The following OTOF variants were observed in gnomAD, a reference collection of about 807,000 sequenced individuals.
OTOF encodes otoferlin.
In OTOF, 218 loss-of-function variants were observed where a neutral mutation model predicts 236.8. That is an observed-to-expected ratio of 0.92 (90% CI 0.82 to 1.03). The LOEUF is 1.03. Among genes scored for constraint, OTOF ranks in the 50% least tolerant of loss-of-function variants. OTOF has a pLI of 0.00. For missense variants in OTOF, 2,590 were observed against 2,694.4 expected (o/e 0.96, Z 0.86); for synonymous variants, 1,041 against 1,072.5 (o/e 0.97, Z 0.57).
intron 46 of OTOF, among the ~76,000 whole-genome samples, chr2:26,458,929 G>T (rs1664319544): frequency 6.6e-6 from 1 of 152,236 alleles, no homozygotes; most frequent in South Asian, 2.1e-4. Flanking sequence ...GTTTTGAATG[G>T]TTTTCACAGG....
At chr2:26,534,932 C>A (rs1056101929) in intron 2 of OTOF, among the ~76,000 whole-genome samples, 1 of 152,224 alleles carries the variant, frequency 6.6e-6, no homozygotes, top group African/African-American at 2.4e-5. Context: ...CAGGCAGATT[C>A]TTTCAGGGGG....
intron 36 of OTOF, chr2:26,466,368 G>A (rs1664727108): frequency 7.8e-6 from 4 of 513,130 alleles, no homozygotes; most frequent in Admixed American, 3.2e-5. Flanking sequence ...ACAGAGTCTC[G>A]CTCTGTCTCC....
Position 26,484,566 on chromosome 2 carries a change from G to A in OTOF, c.1113C>T (p.Gly371=). 6.2e-7 allele frequency: 1 copy of A among 1,613,950 alleles called. No homozygotes were observed. Among genetic ancestry groups the A allele is most frequent in the Non-Finnish European group, 8.5e-7 (1 of 1,179,996 alleles). Residue 371 remains glycine, a synonymous_variant, in exon 12 of 47, where the codon GGC becomes GGT. Coordinates refer to ENST00000272371, the MANE Select transcript of OTOF (RefSeq NM_194248.3). ...DPDDISSGLK[G]YVKCDVAVVG... is the part of the protein sequence containing the mutation. ...CCACGGCAACGTCACACTTCACGTA[G>A]CCCTTCAGCCCCGAGGAGATGTCAT... is the stretch of plus-strand genomic sequence containing the variant.
intron 5 of OTOF, among the ~76,000 whole-genome samples, chr2:26,504,361 G>C (rs1260289154): frequency 6.6e-6 from 1 of 152,184 alleles, no homozygotes; most frequent in East Asian, 1.9e-4. Flanking sequence ...GGGAGATGTG[G>C]TTGAAACGAG....
At chr2:26,521,918 G>T (rs72856048) in intron 3 of OTOF, among the ~76,000 whole-genome samples, 3,664 of 152,298 alleles carry the variant, frequency 0.024, 162 homozygotes, top group African/African-American at 0.083. Context: ...TACCAACACC[G>T]GCACTCGGAT....
intron 9 of OTOF, among the ~76,000 whole-genome samples, chr2:26,490,433 T>G (rs1195199383): frequency 6.6e-6 from 1 of 152,222 alleles, no homozygotes; most frequent in African/African-American, 2.4e-5. Context: ...CCTTTGGTGC[T>G]GTGGGCTGCC....
At chr2:26,475,020 G>A (rs1665183273) in intron 25 of OTOF, among the ~76,000 whole-genome samples, 1 of 152,164 alleles carries the variant, frequency 6.6e-6, no homozygotes, top group Non-Finnish European at 1.5e-5. Flanking sequence ...CACGGAGGAT[G>A]GCAAGGCTGT....
At chr2:26,530,601 C>T (rs1029208719) in intron 2 of OTOF, among the ~76,000 whole-genome samples, 3 of 152,184 alleles carry the variant, frequency 2.0e-5, no homozygotes, top group African/African-American at 7.2e-5. Flanking sequence ...CTGTCTCCCT[C>T]CCGCATTTTC....
chr2:26,491,488 A>G (rs1665839342), intron 9 of OTOF, among the ~76,000 whole-genome samples: 1 of 152,186 alleles, frequency 6.6e-6, no homozygotes, highest in African/African-American at 2.4e-5. Context: ...TGTACTTAGC[A>G]TATGCTGGAG....
In OTOF at chr2:26,477,218, C is replaced by A; in HGVS notation, c.2477G>T (p.Arg826Met). Residue 826 changes from arginine to methionine, a missense_variant, in exon 21 of 47, where the codon AGG becomes ATG. By Grantham distance (91) the Arg-to-Met change is moderately conservative. Transcript: ENST00000272371. This position sits in a 1 kb window ranked among gnomAD's most constrained non-coding sequence, Gnocchi z 4.7. Reference protein sequence around the residue: ...VKRHTVRDKLRLCQNFLQKLR... With the variant: ...VKRHTVRDKLMLCQNFLQKLR... The stretch of plus-strand genomic sequence containing the variant: ...CTTCTGCAGGAAGTTCTGGCACAGC[C>A]TCAGCTTGTCCCGCACCGTGTGCCG... The A allele has an allele frequency of 6.2e-7, 1 of 1,610,698 alleles. No individual in the cohort carries two copies. The highest frequency in any genetic ancestry group is 8.5e-7 in the Non-Finnish European group (1 of 1,179,568).
chr2:26,475,786 C>A, intron 24 of OTOF, 128 bp downstream of exon 24: 2 of 1,244,038 alleles, frequency 1.6e-6, no homozygotes, highest in African/African-American at 1.5e-5. Context: ...CCTGAGAAAC[C>A]GGGGCACTGG....
chr2:26,491,196 G>C (rs770222914), intron 9 of OTOF, among the ~76,000 whole-genome samples: 17 of 152,148 alleles, frequency 1.1e-4, no homozygotes, highest in Non-Finnish European at 2.4e-4. Context: ...AAAGAAACTG[G>C]GTGATCAAGG....
intron 5 of OTOF, among the ~76,000 whole-genome samples, chr2:26,509,347 T>C (rs1377143032): frequency 6.6e-6 from 1 of 152,214 alleles, no homozygotes. Flanking sequence ...CCTTGACACA[T>C]GCTCTGCCTA....
chr2:26,515,062 G>A (rs542738936), intron 5 of OTOF, among the ~76,000 whole-genome samples: 12 of 152,354 alleles, frequency 7.9e-5, no homozygotes, highest in African/African-American at 2.6e-4. Context: ...CTGGACATGG[G>A]CAGCGCTCAG....
intron 3 of OTOF, among the ~76,000 whole-genome samples, chr2:26,524,865 G>A (rs572193240): frequency 6.6e-6 from 1 of 152,324 alleles, no homozygotes; most frequent in South Asian, 2.1e-4. Flanking sequence ...GCACAGCTAG[G>A]GCTGTAGTGG....
chr2:26,475,696 T>A (rs1390748722), intron 24 of OTOF, among the ~76,000 whole-genome samples: 2 of 152,184 alleles, frequency 1.3e-5, no homozygotes, highest in Non-Finnish European at 2.9e-5. Flanking sequence ...GTCGTCCCTG[T>A]CTTGTGAATA....
At chr2:26,516,200 C>T (rs1285893537) in intron 5 of OTOF, among the ~76,000 whole-genome samples, 10 of 152,220 alleles carry the variant, frequency 6.6e-5, no homozygotes, top group Non-Finnish European at 1.5e-5. Context: ...CTTGCAGCTC[C>T]ATCTGAGTCT....
chr2:26,498,390 G>A (rs902688537), intron 8 of OTOF, among the ~76,000 whole-genome samples: 4 of 152,196 alleles, frequency 2.6e-5, no homozygotes, highest in African/African-American at 2.4e-5. Context: ...GGTGTTGGGG[G>A]AAGGGGAATG....
At position 26,480,951 on chromosome 2, in the gene OTOF, G is replaced by A; in HGVS notation, c.1638C>T (p.Tyr546=). The change falls in exon 15 of 47, where the codon TAC becomes TAT. Residue 546 remains tyrosine (Y), a synonymous_variant. Transcript: ENST00000272371. ...GGTCCTGATGCTCATCCAGCAGCGT[G>A]TAGTTACGTGTGGAGCCGTACATGT... ...WVNMYGSTRN[Y]TLLDEHQDLN... 6.2e-7 allele frequency: 1 copy of A among 1,613,068 alleles called. No individual in the cohort carries two copies. The highest frequency in any genetic ancestry group is 8.5e-7 in the Non-Finnish European group (1 of 1,180,018).
Sources: allele counts gnomAD v4.1 joint callset (sites outside exome capture counted in the v4.1 genomes callset), GRCh38; gene constraint gnomAD v4.1.1; non-coding constraint Gnocchi (gnomAD v3.1); transcripts MANE v1.5; gene names NCBI Gene and HGNC (gene_info 2026-07-23, HGNC 2026-07-21).